The following SYNPR variants were observed in gnomAD, a reference collection of about 807,000 sequenced individuals.
SYNPR encodes synaptoporin.
SYNPR carries 23 observed loss-of-function variants against 32.9 expected under a neutral mutation model. The ratio of observed to expected loss-of-function variants is 0.70; its 90% CI spans 0.50 to 0.99. The LOEUF (loss-of-function observed/expected upper bound fraction) is 0.99, where lower values mean the gene tolerates loss of function less well. Among genes scored for constraint, SYNPR ranks in the 50% least tolerant of loss-of-function variants. SYNPR has a pLI of 0.00. For synonymous variants in SYNPR, 146 were observed against 135.9 expected (o/e 1.07, Z -0.52); for missense variants, 318 against 349.3 (o/e 0.91, Z 0.71).
rs374939111 is a variant in SYNPR, at chr3:63,233,769, TC to T, written n.66+5391del. Among the ~76,000 whole-genome samples the T allele has an allele frequency of 3.1e-3, 465 of 152,318 alleles. 2 individuals are homozygous for T. Among genetic ancestry groups the T allele is most frequent in the Non-Finnish European group, 4.1e-3 (281 of 68,026 alleles). ...CCTATTCCATCTCTATAAGCCACTT[TC>T]CTCAAGTCATCCTGTATAGATATGC... On this transcript the variant is annotated intron_variant and non_coding_transcript_variant, in intron 1 of 4. Transcript: ENST00000478456.
In SYNPR at chr3:63,615,778, A is replaced by T; in HGVS notation, c.*297A>T. Reference sequence around the variant, plus strand: ...TGTTAAAGTAGTAGAAGTATTTTGTAGCTTAAAGTCTCTAGTATGTAATAT... The same window carrying T: ...TGTTAAAGTAGTAGAAGTATTTTGTTGCTTAAAGTCTCTAGTATGTAATAT... On this transcript the variant is annotated 3_prime_UTR_variant, in exon 6 of 6. Transcript: ENST00000478300. The T allele has an allele frequency of 3.8e-6, 1 of 265,238 alleles. No homozygotes were observed. Among genetic ancestry groups the T allele is most frequent in the Non-Finnish European group, 7.1e-6 (1 of 140,866 alleles). The allele number at this position is 265,238 out of a possible 1,614,324, so 16.4% of individuals were successfully genotyped here.
At chr3:63,353,630 T>C (rs964901711) in intron 2 of SYNPR, among the ~76,000 whole-genome samples, 37 of 152,318 alleles carry the variant, frequency 2.4e-4, no homozygotes, top group African/African-American at 7.5e-4. Context: ...TCACTGATGA[T>C]TCCGATCCTC....
chr3:63,496,983 T>C (rs1353728974), intron 3 of SYNPR, among the ~76,000 whole-genome samples: 1 of 152,026 alleles, frequency 6.6e-6, no homozygotes, highest in African/African-American at 2.4e-5. Flanking sequence ...TAGCTTGATA[T>C]TGATCAAGTT....
Position 63,615,363 on chromosome 3 carries a change from A to C in SYNPR, c.740A>C (p.Tyr247Ser). 6.2e-7 allele frequency: 1 copy of C among 1,613,942 alleles called. No individual in the cohort carries two copies. The highest frequency in any genetic ancestry group is 8.5e-7 in the Non-Finnish European group (1 of 1,179,872). ...TCCAGCAGCTATAATCAAGGTGGTT[A>C]CAACCAAGACAGCTATGGATCAAGC... ...KHSSSYNQGG[Y>S]NQDSYGSSSG... The change falls in exon 6 of 6, where the codon TAC (tyrosine) becomes TCC (serine). Residue 247 changes from tyrosine (Y) to serine (S), a missense_variant. Transcript: ENST00000478300.
At chr3:63,328,331 A>G (rs2087189191) in intron 2 of SYNPR, among the ~76,000 whole-genome samples, 1 of 152,092 alleles carries the variant, frequency 6.6e-6, no homozygotes, top group Non-Finnish European at 1.5e-5. Flanking sequence ...CAGGCTGCAC[A>G]TTTCCCCACA....
At chr3:63,613,610 C>CAAAAAAAAAAAAAAAAAAAAAA (rs10566584) in intron 5 of SYNPR, among the ~76,000 whole-genome samples, 1 of 46,028 alleles carries the variant, frequency 2.2e-5, no homozygotes, top group African/African-American at 8.3e-5. Flanking sequence ...TATGCTGCAG[C>CAAAAAAAAAAAAAAAAAAAAAA]AAAAAAAAAA....
At chr3:63,242,781 G>A (rs2086258039) in intron 1 of SYNPR, among the ~76,000 whole-genome samples, 1 of 151,974 alleles carries the variant, frequency 6.6e-6, no homozygotes, top group South Asian at 2.1e-4. Flanking sequence ...AGAACAAATA[G>A]AATTATCTGA....
At chr3:63,579,146 T>C (rs1703045463) in intron 4 of SYNPR, among the ~76,000 whole-genome samples, 1 of 152,162 alleles carries the variant, frequency 6.6e-6, no homozygotes, top group Admixed American at 6.5e-5. Flanking sequence ...ATATGTATAT[T>C]TGTTATCACA....
At chr3:63,256,072 A>C (rs2086379925) in intron 2 of SYNPR, among the ~76,000 whole-genome samples, 1 of 152,210 alleles carries the variant, frequency 6.6e-6, no homozygotes, top group Non-Finnish European at 1.5e-5. Context: ...AGCAGCCAGG[A>C]AGCTCCAACT....
intron 4 of SYNPR, among the ~76,000 whole-genome samples, chr3:63,570,149 A>G (rs1300360026): frequency 1.3e-5 from 2 of 152,192 alleles, no homozygotes; most frequent in African/African-American, 2.4e-5. Flanking sequence ...AGCTGGTAGA[A>G]GGCTGATTCT....
intron 2 of SYNPR, among the ~76,000 whole-genome samples, chr3:63,384,979 A>G (rs954665433): frequency 6.6e-6 from 1 of 152,138 alleles, no homozygotes; most frequent in African/African-American, 2.4e-5. Context: ...TTGAGGTGGA[A>G]AAACCATGAG....
chr3:63,390,148 G>T (rs17068434), intron 2 of SYNPR, among the ~76,000 whole-genome samples: 1 of 152,092 alleles, frequency 6.6e-6, no homozygotes, highest in African/African-American at 2.4e-5. Flanking sequence ...CACACAAATT[G>T]GGAACAAGAA....
At chr3:63,598,345 A>G (rs938944050) in intron 4 of SYNPR, among the ~76,000 whole-genome samples, 1 of 152,136 alleles carries the variant, frequency 6.6e-6, no homozygotes, top group South Asian at 2.1e-4. Flanking sequence ...TCATACTATT[A>G]ATTACATTTA....
At chr3:63,602,340 C>T (rs1700056893) in intron 4 of SYNPR, among the ~76,000 whole-genome samples, 2 of 150,186 alleles carry the variant, frequency 1.3e-5, no homozygotes, top group South Asian at 2.1e-4. Flanking sequence ...CCAAAAAAAG[C>T]TCTTTAGTTT....
chr3:63,345,105 G>C (rs754964154), intron 2 of SYNPR, among the ~76,000 whole-genome samples: 1 of 152,200 alleles, frequency 6.6e-6, no homozygotes, highest in South Asian at 2.1e-4. Context: ...TGCGACTCTT[G>C]AGCAGTAAAC....
intron 3 of SYNPR, among the ~76,000 whole-genome samples, chr3:63,502,425 AG>A (rs1701499167): frequency 6.6e-6 from 1 of 152,060 alleles, no homozygotes; most frequent in Non-Finnish European, 1.5e-5. Context: ...AGTTTACCTC[AG>A]GGTTCACTCT....
At chr3:63,375,418 G>T (rs1261455584) in intron 2 of SYNPR, among the ~76,000 whole-genome samples, 2 of 152,108 alleles carry the variant, frequency 1.3e-5, no homozygotes, top group Non-Finnish European at 2.9e-5. Flanking sequence ...CATGTCCTTT[G>T]CAGGGACATG....
chr3:63,406,921 C>A (rs1437709715), intron 2 of SYNPR, among the ~76,000 whole-genome samples: 1 of 152,144 alleles, frequency 6.6e-6, no homozygotes, highest in Non-Finnish European at 1.5e-5. Flanking sequence ...TGGATGGCCA[C>A]AGATCGGTCC....
At chr3:63,578,508 A>C (rs1703032022) in intron 4 of SYNPR, among the ~76,000 whole-genome samples, 1 of 152,124 alleles carries the variant, frequency 6.6e-6, no homozygotes, top group Admixed American at 6.6e-5. Flanking sequence ...AAGAACAGGA[A>C]GAGAGAGGAG....
Sources: allele counts gnomAD v4.1 joint callset (sites outside exome capture counted in the v4.1 genomes callset), GRCh38; gene constraint gnomAD v4.1.1; transcripts MANE v1.5; gene names NCBI Gene and HGNC (gene_info 2026-07-23, HGNC 2026-07-21).